Variants in KCTD8 observed in about 807,000 individuals in gnomAD.
KCTD8 encodes potassium channel tetramerization domain containing 8, also known as BTB/POZ domain-containing protein KCTD8.
A neutral mutation model predicts 31.5 loss-of-function variants in KCTD8; 27 were observed. The ratio of observed to expected loss-of-function variants is 0.86; its 90% confidence interval spans 0.63 to 1.18. KCTD8 has a LOEUF of 1.18. Ranked by LOEUF, KCTD8 falls within the 50% of genes most tolerant of loss-of-function variation. The pLI, the probability that KCTD8 is intolerant of heterozygous loss-of-function variation, is 0.00. For missense variants in KCTD8, 658 were observed against 647.7 expected, an observed-to-expected ratio of 1.02 and a Z score of -0.17; for synonymous variants, 290 against 280.0, an observed-to-expected ratio of 1.04 and a Z score of -0.36.
intron 1 of KCTD8, among the ~76,000 whole-genome samples, chr4:44,289,375 T>C (rs964564307): frequency 2.6e-5 from 4 of 152,106 alleles, no homozygotes; most frequent in African/African-American, 7.2e-5. Flanking sequence ...CAAAGTGACA[T>C]ATCTAGGGAT....
intron 1 of KCTD8, among the ~76,000 whole-genome samples, chr4:44,380,606 C>T (rs73247521): frequency 0.089 from 13,425 of 151,614 alleles, 640 homozygotes; most frequent in Middle Eastern, 0.12. Context: ...CATTATAGTA[C>T]ATAAATGATA....
intron 1 of KCTD8, among the ~76,000 whole-genome samples, chr4:44,280,490 TTAA>T: frequency 6.6e-6 from 1 of 152,174 alleles, no homozygotes; most frequent in East Asian, 1.9e-4. Context: ...ATGGCAATTA[TTAA>T]TTTCACTACT....
intron 1 of KCTD8, among the ~76,000 whole-genome samples, chr4:44,264,250 T>C (rs1386552285): frequency 1.3e-5 from 2 of 152,234 alleles, no homozygotes; most frequent in Admixed American, 1.3e-4. Context: ...ATATTAGCTA[T>C]TCTTTATAGA....
intron 1 of KCTD8, among the ~76,000 whole-genome samples, chr4:44,365,606 T>C (rs1468828582): frequency 6.6e-6 from 1 of 152,014 alleles, no homozygotes; most frequent in African/African-American, 2.4e-5. Flanking sequence ...AAAATAGTAA[T>C]CTTAACAAAA....
intron 1 of KCTD8, among the ~76,000 whole-genome samples, chr4:44,177,400 C>T (rs932029121): frequency 3.3e-5 from 5 of 152,122 alleles, no homozygotes; most frequent in African/African-American, 1.2e-4. Context: ...TCTACCACCC[C>T]TCTTGAGGCT....
chr4:44,351,955 A>G (rs1719215073), intron 1 of KCTD8, among the ~76,000 whole-genome samples: 1 of 152,046 alleles, frequency 6.6e-6, no homozygotes, highest in Admixed American at 6.6e-5. Flanking sequence ...TAAAATAAGT[A>G]TTTCTTTTAT....
intron 1 of KCTD8, among the ~76,000 whole-genome samples, chr4:44,201,258 T>C (rs1011836867): frequency 6.6e-5 from 10 of 151,952 alleles, no homozygotes; most frequent in Non-Finnish European, 1.3e-4. Context: ...AATTCAATTA[T>C]ATTATATCAA....
At chr4:44,445,371 G>C (rs1178222563) in intron 1 of KCTD8, among the ~76,000 whole-genome samples, 1 of 152,026 alleles carries the variant, frequency 6.6e-6, no homozygotes, top group African/African-American at 2.4e-5. Context: ...CCCAAAATAG[G>C]TTGCCTCCTT....
chr4:44,222,544 G>T (rs1318267869), intron 1 of KCTD8, among the ~76,000 whole-genome samples: 1 of 152,194 alleles, frequency 6.6e-6, no homozygotes, highest in Non-Finnish European at 1.5e-5. Context: ...ACTGCAAAAT[G>T]TGAGCTGCCA....
At chr4:44,438,795 C>G (rs1486274997) in intron 1 of KCTD8, among the ~76,000 whole-genome samples, 2 of 152,106 alleles carry the variant, frequency 1.3e-5, no homozygotes, top group Non-Finnish European at 2.9e-5. Flanking sequence ...TATTGTGAGG[C>G]CCTTAAATTA....
intron 1 of KCTD8, among the ~76,000 whole-genome samples, chr4:44,429,791 G>A (rs184318082): frequency 6.6e-6 from 1 of 151,744 alleles, no homozygotes; most frequent in Admixed American, 6.6e-5. Flanking sequence ...AGGTAATAGA[G>A]CCCAGAGCAT....
intron 1 of KCTD8, among the ~76,000 whole-genome samples, chr4:44,430,747 A>G (rs1721483251): frequency 6.6e-6 from 1 of 151,560 alleles, no homozygotes; most frequent in Non-Finnish European, 1.5e-5. Context: ...AACCAGACTC[A>G]CTATTTCCCT....
intron 1 of KCTD8, among the ~76,000 whole-genome samples, chr4:44,283,825 C>T (rs1428014004): frequency 6.6e-6 from 1 of 152,098 alleles, no homozygotes; most frequent in Non-Finnish European, 1.5e-5. Flanking sequence ...CATTCCTGTA[C>T]ATCAATAACA....
At chr4:44,259,092 C>A (rs1716085913) in intron 1 of KCTD8, among the ~76,000 whole-genome samples, 2 of 151,860 alleles carry the variant, frequency 1.3e-5, no homozygotes, top group South Asian at 4.1e-4. Context: ...GAAGGCAAAG[C>A]AGCCTTTTAA....
chr4:44,304,984 A>C (rs1010040948), intron 1 of KCTD8, among the ~76,000 whole-genome samples: 1 of 152,000 alleles, frequency 6.6e-6, no homozygotes, highest in Non-Finnish European at 1.5e-5. Context: ...CCAGAACCAA[A>C]ATCCTGGAAT....
intron 1 of KCTD8, among the ~76,000 whole-genome samples, chr4:44,439,381 G>T (rs953102779): frequency 1.3e-5 from 2 of 152,062 alleles, no homozygotes. Context: ...TGAGAGACTG[G>T]TTACAATATG....
chr4:44,378,843 C>T (rs997343206), intron 1 of KCTD8, among the ~76,000 whole-genome samples: 5 of 152,074 alleles, frequency 3.3e-5, no homozygotes, highest in Middle Eastern at 3.2e-3. Context: ...TTCTGGAGGT[C>T]AGAAGTCCAA....
intron 1 of KCTD8, among the ~76,000 whole-genome samples, chr4:44,256,006 G>A (rs1397533242): frequency 6.6e-6 from 1 of 151,868 alleles, no homozygotes; most frequent in Non-Finnish European, 1.5e-5. Context: ...CACATGGCTG[G>A]GGAGGTCTCA....
chr4:44,363,354 T>C (rs555433488), intron 1 of KCTD8, among the ~76,000 whole-genome samples: 4 of 152,264 alleles, frequency 2.6e-5, no homozygotes, highest in Admixed American at 6.5e-5. Context: ...TCCTACAAAT[T>C]GTAATACTGG....
Sources: allele counts gnomAD v4.1 joint callset (sites outside exome capture counted in the v4.1 genomes callset), GRCh38; gene constraint gnomAD v4.1.1; transcripts MANE v1.5; gene names NCBI Gene and HGNC (gene_info 2026-07-23, HGNC 2026-07-21).